The following PTCH1 variants were observed in gnomAD, a reference collection of about 807,000 sequenced individuals.
PTCH1 encodes patched 1.
A neutral mutation model predicts 144.6 loss-of-function variants in PTCH1; 14 were observed. That is an observed-to-expected ratio of 0.10 (90% CI 0.06 to 0.15). PTCH1 has a LOEUF of 0.15. Among genes scored for constraint, PTCH1 ranks in the 10% least tolerant of loss-of-function variants. PTCH1 has a pLI of 1.00. For synonymous variants in PTCH1, 833 were observed against 793.6 expected (o/e 1.05, Z -0.83); for missense variants, 1,623 against 1,948.3 (o/e 0.83, Z 3.14).
At chr9:95,494,103 G>C (rs1254512584) in intron 2 of PTCH1, among the ~76,000 whole-genome samples, 1 of 152,016 alleles carries the variant, frequency 6.6e-6, no homozygotes, top group African/African-American at 2.4e-5. Flanking sequence ...CGGGGCATGT[G>C]GCAGGCTGGG....
intron 2 of PTCH1, among the ~76,000 whole-genome samples, chr9:95,504,802 G>C (rs987667276): frequency 3.3e-5 from 5 of 151,386 alleles, no homozygotes; most frequent in Non-Finnish European, 5.9e-5. Flanking sequence ...TTTCAGCTGT[G>C]AACCCAAATG....
chr9:95,456,071 A>T (rs1301700919), intron 19 of PTCH1, among the ~76,000 whole-genome samples: 1 of 152,124 alleles, frequency 6.6e-6, no homozygotes, highest in East Asian at 1.9e-4. Context: ...GCCCGCTGCC[A>T]TGTACCTTCC....
At chr9:95,446,465 C>G in intron 23 of PTCH1, 74 bp from the exon 24 acceptor site, 1 of 508,660 alleles carries the variant, frequency 2.0e-6, no homozygotes, top group Non-Finnish European at 3.9e-6. Flanking sequence ...AGTACAAAAG[C>G]AGGCAGCAGT....
intron 15 of PTCH1, among the ~76,000 whole-genome samples, chr9:95,464,320 T>TTTA (rs1839809734): frequency 6.6e-6 from 1 of 152,218 alleles, no homozygotes; most frequent in African/African-American, 2.4e-5. Flanking sequence ...TCCACTGCCC[T>TTTA]TTAGCCAGTG....
chr9:95,490,520 GACACACACACACAC>G (rs35550307), intron 2 of PTCH1, among the ~76,000 whole-genome samples: 4 of 140,380 alleles, frequency 2.8e-5, no homozygotes, highest in East Asian at 2.1e-4. Flanking sequence ...CCTTCTATGT[GACACACACACACAC>G]ACACACACAC....
intron 15 of PTCH1, among the ~76,000 whole-genome samples, chr9:95,463,401 C>T (rs16905572): frequency 0.089 from 13,504 of 151,848 alleles, 1,479 homozygotes; most frequent in African/African-American, 0.26. Context: ...CCGGGTGGGC[C>T]GTGCACCTCT....
intron 12 of PTCH1, chr9:95,474,046 G>C (rs1434728689): frequency 2.0e-6 from 1 of 489,942 alleles, no homozygotes; most frequent in African/African-American, 2.0e-5. Context: ...TTTTCTACAA[G>C]GCTACTCCTC....
At chr9:95,504,630 C>T (rs1419866851) in intron 2 of PTCH1, among the ~76,000 whole-genome samples, 1 of 152,134 alleles carries the variant, frequency 6.6e-6, no homozygotes, top group Non-Finnish European at 1.5e-5. Context: ...GTCCTAGAAT[C>T]TACGGCAGCG....
chr9:95,499,997 G>C (rs1274553420), intron 2 of PTCH1, among the ~76,000 whole-genome samples: 1 of 152,010 alleles, frequency 6.6e-6, no homozygotes. Flanking sequence ...CAGAGCCCAG[G>C]GTCACAGGCA....
chr9:95,490,140 T>C (rs1842277202), intron 2 of PTCH1, among the ~76,000 whole-genome samples: 1 of 151,526 alleles, frequency 6.6e-6, no homozygotes, highest in African/African-American at 2.4e-5. Context: ...CTTTTTTGAG[T>C]TTATTTCTAT....
At chr9:95,448,752 A>G (rs1838176650) in intron 22 of PTCH1, among the ~76,000 whole-genome samples, 1 of 151,696 alleles carries the variant, frequency 6.6e-6, no homozygotes, top group Non-Finnish European at 1.5e-5. Flanking sequence ...AAAGGCAGGA[A>G]TGCTTTATCT....
rs551926767 is a variant in PTCH1, at chr9:95,474,821, T to C, written c.1728+1213A>G. ...AAACCAGATGCAAGACTGGTCAATT[T>C]CTCTTCCTGCTCGCATCTGCAGGAA... is the stretch of plus-strand genomic sequence containing the variant. On this transcript the variant is annotated intron_variant, in intron 12 of 23. Coordinates refer to ENST00000331920, the MANE Select transcript of PTCH1 (RefSeq NM_000264.5). Among the ~76,000 whole-genome samples, 9 of 152,252 alleles carry C rather than the reference T, an allele frequency of 5.9e-5. No homozygotes were observed. The East Asian group carries it at 1.2e-3, about 20-fold the overall frequency.
chr9:95,508,717 G>C lies in PTCH1; in HGVS notation c.-356C>G. On this transcript the variant is annotated 5_prime_UTR_variant, in exon 1 of 24. Transcript: ENST00000331920. ...AGCCTGTCCTTCGGGCGCTTCCGCGGCACTCCTTGCGGTCCCCAACTCCCC... is the reference window on the plus strand; with the variant it reads ...AGCCTGTCCTTCGGGCGCTTCCGCGCCACTCCTTGCGGTCCCCAACTCCCC... 1 of 986,522 alleles carries C rather than the reference G, an allele frequency of 1.0e-6. No homozygotes were observed. Among genetic ancestry groups the C allele is most frequent in the Non-Finnish European group, 1.2e-6 (1 of 830,850 alleles). The allele number at this position is 986,522 out of a possible 1,614,324, so 61.1% of individuals were successfully genotyped here. A position where few individuals can be genotyped will look rare whatever the true frequency, so the allele number is the denominator to read the frequency against.
intron 3 of PTCH1, chr9:95,483,143 AT>A (rs1189480894): frequency 6.6e-6 from 1 of 151,900 alleles, no homozygotes; most frequent in African/African-American, 2.4e-5. Context: ...TGCCACACAT[AT>A]ATAGTCCCAG....
Position 95,449,913 on chromosome 9 carries a change from G to A in PTCH1, c.3477C>T (p.Leu1159=), listed in dbSNP as rs1838313389. 6.2e-7 allele frequency: 1 copy of A among 1,614,084 alleles called. No homozygotes were observed. The change falls in exon 21 of 24, where the codon CTC becomes CTT. Residue 1159 remains leucine (L), a synonymous_variant. Transcript: ENST00000331920. This position sits in a 1 kb window ranked among gnomAD's most constrained non-coding sequence, Gnocchi z 5.3. ...GCCCATTGAGAACGCCGAGGATGGT[G>A]AGGATCGCCAGCACAGCAAAGAAAT... ...VRYFFAVLAI[L]TILGVLNGLV...
rs1444662631 is a variant in PTCH1 at position 95,449,694 on chromosome 9, C to T, written c.3549+147G>A. On this transcript the variant is annotated intron_variant, in intron 21 of 23. Coordinates refer to ENST00000331920, the MANE Select transcript of PTCH1 (RefSeq NM_000264.5). The surrounding 1 kb of genome is among the most constrained non-coding windows in gnomAD (Gnocchi z 5.3). ...CCTCTAGCCCTCAAAGCCAGTACAC[C>T]GAAGAGGAAAACAGACATGACTCTG... 2.0e-5 allele frequency: 17 copies of T among 866,294 alleles called. No individual in the cohort carries two copies. Among genetic ancestry groups the T allele is most frequent in the South Asian group, 9.0e-5 (6 of 67,018 alleles). The allele number at this position is 866,294 out of a possible 1,614,324, so 53.7% of individuals were successfully genotyped here. A position where few individuals can be genotyped will look rare whatever the true frequency, so the allele number is the denominator to read the frequency against.
Position 95,508,406 on chromosome 9 carries a change from G to A in PTCH1, c.-45C>T. ...CCGCCGCGGGGACGGAGGCTTCCCG[G>A]GCGGCCCGGCGCGCTGCTGCCGCTG... On this transcript the variant is annotated 5_prime_UTR_variant, in exon 1 of 24. Coordinates refer to ENST00000331920, the MANE Select transcript of PTCH1 (RefSeq NM_000264.5). 9.3e-7 allele frequency: 1 copy of A among 1,078,010 alleles called. No homozygotes were observed. Among genetic ancestry groups the A allele is most frequent in the Non-Finnish European group, 1.1e-6 (1 of 892,286 alleles). 66.8% of individuals were successfully genotyped at this position (1,078,010 alleles called of 1,614,324 possible). A position where few individuals can be genotyped will look rare whatever the true frequency, so the allele number is the denominator to read the frequency against.
intron 14 of PTCH1, among the ~76,000 whole-genome samples, chr9:95,467,714 G>A (rs538745445): frequency 8.6e-4 from 131 of 151,788 alleles, no homozygotes; most frequent in African/African-American, 3.1e-3. Flanking sequence ...AGCAATTCTC[G>A]TGCCTCAGCC....
chr9:95,508,064 A>C (rs1160810459), intron 1 of PTCH1, 97 bp downstream of exon 1: 1 of 1,571,188 alleles, frequency 6.4e-7, no homozygotes, highest in Non-Finnish European at 8.6e-7. Flanking sequence ...TGTGTGAGAG[A>C]GAGAGGAAGA....
Sources: allele counts gnomAD v4.1 joint callset (sites outside exome capture counted in the v4.1 genomes callset), GRCh38; gene constraint gnomAD v4.1.1; non-coding constraint Gnocchi (gnomAD v3.1); transcripts MANE v1.5; gene names NCBI Gene and HGNC (gene_info 2026-07-23, HGNC 2026-07-21).